Variants in EPHA5 observed in about 807,000 individuals in gnomAD.
EPHA5 encodes the protein EPH receptor A5.
A neutral mutation model predicts 105.0 loss-of-function variants in EPHA5; 60 were observed. The ratio of observed to expected loss-of-function variants is 0.57; its 90% confidence interval spans 0.46 to 0.71. The LOEUF (loss-of-function observed/expected upper bound fraction) is 0.71, where lower values mean the gene tolerates loss of function less well. Among genes scored for constraint, EPHA5 ranks in the 30% least tolerant of loss-of-function variants. EPHA5 has a pLI of 0.00. For synonymous variants in EPHA5, 513 were observed against 449.1 expected (o/e 1.14, Z -1.80); for missense variants, 1,218 against 1,274.7 (o/e 0.96, Z 0.68).
At chr4:65,567,794 G>A (rs1739707339) in intron 3 of EPHA5, among the ~76,000 whole-genome samples, 1 of 151,494 alleles carries the variant, frequency 6.6e-6, no homozygotes, top group African/African-American at 2.4e-5. Context: ...ACAGTGGGGA[G>A]TTTGGAAAAG....
rs1721820727 is a variant in EPHA5, at chr4:65,401,524, A to T, written c.1793+2850T>A. Among the ~76,000 whole-genome samples, 6 of 152,268 alleles carry T rather than the reference A, an allele frequency of 3.9e-5. No homozygotes were observed. In the South Asian group the frequency reaches 1.2e-3, roughly 32 times the overall value. On this transcript the variant is annotated intron_variant, in intron 8 of 16. Transcript: ENST00000613740. ...AATACATCCAACAAATAAAGTAATT[A>T]AAATTTAATGCAAAAAGTTGGTTTC...
At chr4:65,404,191 G>A (rs955989492) in intron 8 of EPHA5, among the ~76,000 whole-genome samples, 183 bp downstream of exon 8, 2 of 152,058 alleles carry the variant, frequency 1.3e-5, no homozygotes, top group Admixed American at 6.6e-5. Context: ...GAGAAATTGT[G>A]GGCTTAAAAA....
chr4:65,525,517 T>C (rs1459852082), intron 3 of EPHA5, among the ~76,000 whole-genome samples: 1 of 151,828 alleles, frequency 6.6e-6, no homozygotes, highest in Non-Finnish European at 1.5e-5. Context: ...ATTGTACAGA[T>C]ACACATCTGC....
At chr4:65,512,961 G>A (rs567513091) in intron 3 of EPHA5, among the ~76,000 whole-genome samples, 2 of 152,150 alleles carry the variant, frequency 1.3e-5, no homozygotes, top group Non-Finnish European at 2.9e-5. Context: ...ATGCGTGATG[G>A]CTTTACTAGA....
chr4:65,584,300 T>A (rs1309772308), intron 3 of EPHA5, among the ~76,000 whole-genome samples: 1 of 151,902 alleles, frequency 6.6e-6, no homozygotes, highest in African/African-American at 2.4e-5. Context: ...GTCTGAGAAA[T>A]ATATCTTAAT....
chr4:65,657,324 A>C (rs1281006463), intron 1 of EPHA5, among the ~76,000 whole-genome samples: 1 of 152,122 alleles, frequency 6.6e-6, no homozygotes, highest in Non-Finnish European at 1.5e-5. Context: ...GGCAAAAAAA[A>C]TTTATGTTAT....
chr4:65,626,695 T>G (rs964901687), intron 2 of EPHA5, among the ~76,000 whole-genome samples: 1 of 152,192 alleles, frequency 6.6e-6, no homozygotes. Context: ...ACGATCTACA[T>G]GCTCACATGT....
At chr4:65,465,956 C>A (rs541037502) in intron 5 of EPHA5, among the ~76,000 whole-genome samples, 65 of 152,320 alleles carry the variant, frequency 4.3e-4, no homozygotes, top group African/African-American at 1.5e-3. Context: ...ATTATACTAT[C>A]CTGCCCTAAT....
chr4:65,658,050 A>C (rs1020425236), intron 1 of EPHA5, among the ~76,000 whole-genome samples: 3 of 151,916 alleles, frequency 2.0e-5, no homozygotes, highest in East Asian at 1.9e-4. Context: ...AGGGATCTCT[A>C]TTTCCAGCAA....
At chr4:65,335,908 A>T (rs2148812153) in intron 15 of EPHA5, 24 bp downstream of exon 15, 1 of 1,565,020 alleles carries the variant, frequency 6.4e-7, no homozygotes, top group Non-Finnish European at 8.7e-7. Context: ...CATTCTGGAA[A>T]ATCACTCGGA....
chr4:65,588,303 G>A (rs755626192), intron 3 of EPHA5, among the ~76,000 whole-genome samples: 1 of 152,060 alleles, frequency 6.6e-6, no homozygotes, highest in Non-Finnish European at 1.5e-5. Context: ...TATTTCTTGG[G>A]ATCTCTATTA....
chr4:65,599,805 A>G (rs1274755532), intron 3 of EPHA5, among the ~76,000 whole-genome samples: 2 of 152,204 alleles, frequency 1.3e-5, no homozygotes, highest in East Asian at 3.9e-4. Context: ...ATGAGAAGAG[A>G]AAGAAAAGAT....
chr4:65,493,486 C>T (rs954523784), intron 4 of EPHA5, among the ~76,000 whole-genome samples: 2 of 151,764 alleles, frequency 1.3e-5, no homozygotes, highest in Non-Finnish European at 2.9e-5. Flanking sequence ...ATCTATCAGG[C>T]GATAAGGAAA....
At position 65,365,262 on chromosome 4, in the gene EPHA5, T is replaced by C. The variant is rs1717756985; in HGVS notation, c.1988-60A>G. ...TTTGAAATTGTTAGTCTATTAACAC[T>C]TGTATGCCCTCTTAGACTACTAAGG... is the stretch of plus-strand genomic sequence containing the variant. On this transcript the variant is annotated intron_variant, in intron 10 of 16. Transcript: ENST00000613740. 3 of 1,381,622 alleles carry C rather than the reference T, an allele frequency of 2.2e-6. No individual in the cohort carries two copies. In the South Asian group the frequency reaches 3.7e-5, roughly 17 times the overall value. 85.6% of individuals were successfully genotyped at this position (1,381,622 alleles called of 1,614,324 possible). A position where few individuals can be genotyped will look rare whatever the true frequency, so the allele number is the denominator to read the frequency against.
intron 3 of EPHA5, among the ~76,000 whole-genome samples, chr4:65,544,448 T>C (rs1471067407): frequency 6.6e-6 from 1 of 151,878 alleles, no homozygotes; most frequent in South Asian, 2.1e-4. Context: ...AAAGAAGACA[T>C]TTATGTGGCC....
At chr4:65,663,505 CA>C (rs1749715975) in intron 1 of EPHA5, among the ~76,000 whole-genome samples, 1 of 151,960 alleles carries the variant, frequency 6.6e-6, no homozygotes, top group Non-Finnish European at 1.5e-5. Flanking sequence ...TCAATTACTA[CA>C]AATTTCACCA....
chr4:65,485,310 T>G (rs1730776582), intron 5 of EPHA5, among the ~76,000 whole-genome samples: 2 of 152,106 alleles, frequency 1.3e-5, no homozygotes, highest in Admixed American at 6.6e-5. Context: ...TTACATTATG[T>G]AACATCTACT....
chr4:65,479,749 A>G (rs531275191), intron 5 of EPHA5, among the ~76,000 whole-genome samples: 1 of 152,196 alleles, frequency 6.6e-6, no homozygotes, highest in Non-Finnish European at 1.5e-5. Context: ...AAATGGCCAT[A>G]AGCAACATGT....
chr4:65,533,514 A>G (rs965432487), intron 3 of EPHA5, among the ~76,000 whole-genome samples: 1 of 152,182 alleles, frequency 6.6e-6, no homozygotes, highest in African/African-American at 2.4e-5. Flanking sequence ...TAAGAAAAGT[A>G]TATATTATGT....
Sources: allele counts gnomAD v4.1 joint callset (sites outside exome capture counted in the v4.1 genomes callset), GRCh38; gene constraint gnomAD v4.1.1; transcripts MANE v1.5; gene names NCBI Gene and HGNC (gene_info 2026-07-23, HGNC 2026-07-21).